TNFRSF10B: variants seen among roughly 807,000 people sequenced by gnomAD.
TNFRSF10B encodes tumor necrosis factor receptor superfamily member 10B.
A neutral mutation model predicts 41.4 loss-of-function variants in TNFRSF10B; 35 were observed. The observed-to-expected ratio is 0.85, with a 90% confidence interval of 0.65 to 1.12. The LOEUF (loss-of-function observed/expected upper bound fraction) is 1.12, where lower values mean the gene tolerates loss of function less well. TNFRSF10B is among the 50% of genes most tolerant of loss of function. TNFRSF10B has a pLI of 0.00. For synonymous variants in TNFRSF10B, 230 were observed against 215.5 expected (o/e 1.07, Z -0.59); for missense variants, 584 against 552.7 (o/e 1.06, Z -0.57).
At chr8:23,024,024 G>A (rs1171833072) in intron 8 of TNFRSF10B, among the ~76,000 whole-genome samples, 164 bp downstream of exon 8, 1 of 152,126 alleles carries the variant, frequency 6.6e-6, no homozygotes, top group East Asian at 1.9e-4. Context: ...GTGGGGAGAA[G>A]AGATGGGAGA....
chr8:23,037,387 G>T (rs544793445), intron 2 of TNFRSF10B, among the ~76,000 whole-genome samples: 14 of 152,338 alleles, frequency 9.2e-5, no homozygotes, highest in African/African-American at 3.1e-4. Flanking sequence ...CAGTCTGCCA[G>T]CTACCTGGTG....
intron 1 of TNFRSF10B, among the ~76,000 whole-genome samples, chr8:23,065,201 T>C (rs1812947999): frequency 6.6e-6 from 1 of 152,164 alleles, no homozygotes; most frequent in South Asian, 2.1e-4. Flanking sequence ...AAAGGGTTCC[T>C]CCTCTACCTG....
chr8:23,063,175 C>T (rs1350772397), intron 1 of TNFRSF10B, among the ~76,000 whole-genome samples: 2 of 152,046 alleles, frequency 1.3e-5, no homozygotes, highest in Middle Eastern at 3.2e-3. Flanking sequence ...TGGTGAAACC[C>T]GGTCTCTACT....
intron 8 of TNFRSF10B, 130 bp downstream of exon 8, chr8:23,024,058 C>T (rs1480851169): frequency 1.7e-6 from 2 of 1,147,386 alleles, no homozygotes; most frequent in Non-Finnish European, 2.6e-6. Context: ...TCCAGATGGT[C>T]TATAGCACAG....
intron 1 of TNFRSF10B, among the ~76,000 whole-genome samples, chr8:23,056,267 C>G (rs891562416): frequency 6.6e-6 from 1 of 152,152 alleles, no homozygotes; most frequent in African/African-American, 2.4e-5. Context: ...ACGATATTAC[C>G]TTAATGCCCA....
Position 23,022,145 on chromosome 8 carries a change from A to C in TNFRSF10B, c.*526T>G. On this transcript the variant is annotated 3_prime_UTR_variant, in exon 9 of 9. Transcript: ENST00000276431. Reference sequence around the variant, plus strand: ...CGTGGTGGTGCACACCTGTGGTCCCAGCTATTTGGATGGCTGAGGTGGGAG... The same window carrying C: ...CGTGGTGGTGCACACCTGTGGTCCCCGCTATTTGGATGGCTGAGGTGGGAG... The C allele has an allele frequency of 2.2e-6, 1 of 446,518 alleles. No individual in the cohort carries two copies. The highest frequency in any genetic ancestry group is 4.5e-6 in the Non-Finnish European group (1 of 222,464). The allele number at this position is 446,518 out of a possible 1,614,324, so 27.7% of individuals were successfully genotyped here. A position where few individuals can be genotyped will look rare whatever the true frequency, so the allele number is the denominator to read the frequency against.
At chr8:23,044,693 A>C (rs13266498) in intron 1 of TNFRSF10B, among the ~76,000 whole-genome samples, 29,016 of 152,136 alleles carry the variant, frequency 0.19, 3,582 homozygotes, top group Non-Finnish European at 0.26. Context: ...AAAGATCTCA[A>C]ATACAAGACT....
intron 1 of TNFRSF10B, among the ~76,000 whole-genome samples, chr8:23,065,235 G>A (rs143456603): frequency 9.2e-4 from 140 of 152,256 alleles, no homozygotes; most frequent in African/African-American, 3.2e-3. Flanking sequence ...TCCTGTCCCC[G>A]CCGCCAAGCA....
At chr8:23,063,403 A>C (rs1228574150) in intron 1 of TNFRSF10B, among the ~76,000 whole-genome samples, 1 of 152,070 alleles carries the variant, frequency 6.6e-6, no homozygotes, top group African/African-American at 2.4e-5. Context: ...TCAGATTGAA[A>C]TCTTTTAGCA....
intron 2 of TNFRSF10B, among the ~76,000 whole-genome samples, chr8:23,036,308 A>G (rs1034458319): frequency 6.8e-4 from 104 of 152,342 alleles, no homozygotes; most frequent in African/African-American, 2.3e-3. Context: ...TTGGGCTTAA[A>G]TAGGCCCTGA....
chr8:23,029,376 G>A (rs2128812071), intron 4 of TNFRSF10B, among the ~76,000 whole-genome samples: 1 of 152,296 alleles, frequency 6.6e-6, no homozygotes. Flanking sequence ...CCAAGTCATG[G>A]CCTTCTGTGG....
intron 1 of TNFRSF10B, chr8:23,068,427 A>G (rs1813064433): frequency 1.1e-5 from 5 of 454,384 alleles, no homozygotes; most frequent in Non-Finnish European, 2.0e-5. Context: ...GAAAGTAAGG[A>G]AAGAAAACAA....
Position 23,043,143 on chromosome 8 carries a change from G to A in TNFRSF10B, c.245C>T (p.Pro82Leu). 2 of 1,614,072 alleles carry A rather than the reference G, an allele frequency of 1.2e-6. No individual in the cohort carries two copies. The highest frequency in any genetic ancestry group is 1.7e-6 in the Non-Finnish European group (2 of 1,179,970). Residue 82 changes from proline (P) to leucine (L), a missense_variant, in exon 2 of 9, where the codon CCA becomes CTA. Coordinates refer to ENST00000276431, the MANE Select transcript of TNFRSF10B (RefSeq NM_003842.5). Reference protein sequence around the residue: ...KRSSPSEGLCPPGHHISEDGR... With the variant: ...KRSSPSEGLCLPGHHISEDGR... Reference sequence around the variant, plus strand: ...GAGACCCATCTTGAACATACCAGGTGGACACAATCCCTCTGAGGGGCTGGA... The same window carrying A: ...GAGACCCATCTTGAACATACCAGGTAGACACAATCCCTCTGAGGGGCTGGA...
chr8:23,057,794 C>T (rs975748435), intron 1 of TNFRSF10B, among the ~76,000 whole-genome samples: 1 of 152,192 alleles, frequency 6.6e-6, no homozygotes, highest in Non-Finnish European at 1.5e-5. Context: ...ACTCTCTTAA[C>T]ACTACAAAGG....
intron 1 of TNFRSF10B, among the ~76,000 whole-genome samples, chr8:23,059,072 C>T (rs777798361): frequency 1.3e-5 from 2 of 152,142 alleles, no homozygotes; most frequent in African/African-American, 4.8e-5. Flanking sequence ...AATTTGACTA[C>T]ATTAGGTACC....
intron 5 of TNFRSF10B, chr8:23,027,990 G>GA: frequency 1.1e-5 from 7 of 613,110 alleles, no homozygotes; most frequent in Non-Finnish European, 2.0e-5. Flanking sequence ...GACCAAGGCT[G>GA]AAAAAATCCC....
At chr8:23,048,025 A>G (rs1812413148) in intron 1 of TNFRSF10B, among the ~76,000 whole-genome samples, 1 of 152,240 alleles carries the variant, frequency 6.6e-6, no homozygotes, top group African/African-American at 2.4e-5. Flanking sequence ...TTCAGCCTTT[A>G]AAAAGATAGA....
intron 6 of TNFRSF10B, 100 bp from the exon 7 acceptor site, chr8:23,027,388 C>G (rs1563306591): frequency 1.4e-6 from 2 of 1,468,774 alleles, no homozygotes; most frequent in Non-Finnish European, 1.9e-6. Flanking sequence ...ACATCCCCAC[C>G]CCCTCTCAGT....
intron 1 of TNFRSF10B, 33 bp downstream of exon 1, chr8:23,068,718 C>G (rs1172078757): frequency 6.4e-7 from 1 of 1,552,884 alleles, no homozygotes; most frequent in Admixed American, 1.9e-5. Context: ...CAGGCACGCT[C>G]TTCCCCAGCC....
Sources: allele counts gnomAD v4.1 joint callset (sites outside exome capture counted in the v4.1 genomes callset), GRCh38; gene constraint gnomAD v4.1.1; transcripts MANE v1.5; gene names NCBI Gene and HGNC (gene_info 2026-07-23, HGNC 2026-07-21).